Variants in JMJD1C observed in about 807,000 individuals in gnomAD.
JMJD1C encodes jumonji domain containing 1C.
JMJD1C carries 31 observed loss-of-function variants against 245.3 expected under a neutral mutation model. The observed-to-expected ratio is 0.13, with a 90% CI of 0.09 to 0.17. The LOEUF is 0.17. Ranked by LOEUF, JMJD1C falls within the 10% of genes least tolerant of loss-of-function variation. The pLI is 1.00. For synonymous variants in JMJD1C, 1,057 were observed against 1,017.4 expected (o/e 1.04, Z -0.74); for missense variants, 2,691 against 3,000.2 (o/e 0.90, Z 2.41).
intron 1 of JMJD1C, among the ~76,000 whole-genome samples, chr10:63,484,437 T>A (rs1029615821): frequency 6.6e-6 from 1 of 152,198 alleles, no homozygotes; most frequent in African/African-American, 2.4e-5. Flanking sequence ...TGTATGTAAC[T>A]TTTCCAAATA....
In JMJD1C at chr10:63,207,084, T is replaced by C; in HGVS notation, c.4585A>G (p.Lys1529Glu). 1 of 1,614,206 alleles carries C rather than the reference T, an allele frequency of 6.2e-7. No homozygotes were observed. The highest frequency in any genetic ancestry group is 8.5e-7 in the Non-Finnish European group (1 of 1,180,026). The part of the protein sequence containing the change: ...DSTVICSTIN[K>E]ANSVGNGQAS... ...TGCCCATTTCCTACAGAGTTTGCTT[T>C]GTTAATTGTACTACAGATTACAGTG... is the stretch of plus-strand genomic sequence containing the variant. Residue 1529 changes from lysine (K) to glutamate (E), a missense_variant, in exon 10 of 26, where the codon AAA becomes GAA. Lys to Glu is a moderately conservative substitution (Grantham distance 56). This residue lies in a region of JMJD1C where 1,562 missense variants were observed against 1,490.7 expected (regional missense o/e 1.05). Transcript: ENST00000399262.
At chr10:63,424,159 G>T (rs1354985878) in intron 1 of JMJD1C, among the ~76,000 whole-genome samples, 1 of 151,886 alleles carries the variant, frequency 6.6e-6, no homozygotes, top group Non-Finnish European at 1.5e-5. Context: ...GTGACTGAAG[G>T]TGTAAACCTC....
intron 3 of JMJD1C, among the ~76,000 whole-genome samples, chr10:63,233,761 A>G (rs1352361294): frequency 2.6e-4 from 4 of 15,256 alleles, no homozygotes; most frequent in Non-Finnish European, 9.1e-4. Flanking sequence ...GCGCGTGCAC[A>G]CACACACACA....
chr10:63,504,573 T>C (rs1036457594), intron 1 of JMJD1C, among the ~76,000 whole-genome samples: 1 of 151,982 alleles, frequency 6.6e-6, no homozygotes, highest in Admixed American at 6.6e-5. Flanking sequence ...ATAATGATAA[T>C]AAGATGAATT....
chr10:63,337,553 G>GAA (rs1192944491), intron 2 of JMJD1C, among the ~76,000 whole-genome samples: 1 of 16,724 alleles, frequency 6.0e-5, no homozygotes, highest in African/African-American at 2.8e-4. Flanking sequence ...GAGAGGACAA[G>GAA]AAAAGAAAAG....
At chr10:63,410,820 T>G (rs180991802) in intron 1 of JMJD1C, among the ~76,000 whole-genome samples, 2 of 152,188 alleles carry the variant, frequency 1.3e-5, no homozygotes, top group African/African-American at 4.8e-5. Flanking sequence ...TGGAGAAAAG[T>G]AGATAAGAGC....
chr10:63,405,911 A>G (rs1949140487), intron 1 of JMJD1C, among the ~76,000 whole-genome samples: 13 of 152,306 alleles, frequency 8.5e-5, no homozygotes, highest in Middle Eastern at 3.4e-3. Flanking sequence ...GGACATATAT[A>G]TAACAGGAGA....
At chr10:63,299,333 C>T (rs1221656553) in intron 2 of JMJD1C, among the ~76,000 whole-genome samples, 1 of 151,070 alleles carries the variant, frequency 6.6e-6, no homozygotes, top group Non-Finnish European at 1.5e-5. Context: ...CAGGCCTATG[C>T]CACCACACCC....
chr10:63,391,809 G>T (rs1191878448), intron 1 of JMJD1C, among the ~76,000 whole-genome samples: 1 of 151,964 alleles, frequency 6.6e-6, no homozygotes, highest in Non-Finnish European at 1.5e-5. Context: ...AAATTCCTAT[G>T]GAAGTAAAAA....
chr10:63,190,417 T>G (rs1215119838), intron 17 of JMJD1C, among the ~76,000 whole-genome samples: 1 of 152,196 alleles, frequency 6.6e-6, no homozygotes, highest in Non-Finnish European at 1.5e-5. Flanking sequence ...TTGGCCAGGC[T>G]GGTCTTGAAC....
intron 1 of JMJD1C, among the ~76,000 whole-genome samples, chr10:63,496,369 A>T (rs1954367680): frequency 6.6e-6 from 1 of 152,192 alleles, no homozygotes; most frequent in Non-Finnish European, 1.5e-5. Context: ...AAAGAGAAAA[A>T]AAAATAAGAT....
chr10:63,504,347 T>G (rs960339601), intron 1 of JMJD1C, among the ~76,000 whole-genome samples: 3 of 152,116 alleles, frequency 2.0e-5, no homozygotes, highest in African/African-American at 7.2e-5. Context: ...TGCAACAGGA[T>G]GACCCAGGAG....
At chr10:63,479,817 C>T (rs1953774083) in intron 1 of JMJD1C, among the ~76,000 whole-genome samples, 4 of 152,148 alleles carry the variant, frequency 2.6e-5, no homozygotes, top group Admixed American at 2.6e-4. Context: ...TGTTGTCCCA[C>T]TGAGAGTGAC....
At chr10:63,382,283 T>G (rs368928046) in intron 1 of JMJD1C, among the ~76,000 whole-genome samples, 61 of 152,298 alleles carry the variant, frequency 4.0e-4, no homozygotes, top group African/African-American at 1.3e-3. Flanking sequence ...CATAATTGTT[T>G]CCTTCTGTCT....
intron 1 of JMJD1C, among the ~76,000 whole-genome samples, chr10:63,464,974 T>G (rs61853612): frequency 6.6e-6 from 1 of 152,130 alleles, no homozygotes; most frequent in Non-Finnish European, 1.5e-5. Flanking sequence ...CTAAAACACA[T>G]AGGAATCCCC....
intron 2 of JMJD1C, among the ~76,000 whole-genome samples, chr10:63,276,884 C>CTGTTTTTTT (rs1856826327): frequency 1.0e-5 from 1 of 96,254 alleles, no homozygotes; most frequent in African/African-American, 4.3e-5. Flanking sequence ...AAGCTTGGGG[C>CTGTTTTTTT]TTTTTTTTTT....
intron 2 of JMJD1C, among the ~76,000 whole-genome samples, chr10:63,369,307 A>G (rs774614915): frequency 6.6e-6 from 1 of 151,728 alleles, no homozygotes; most frequent in Non-Finnish European, 1.5e-5. Context: ...ACACCTGGCT[A>G]ATTTTTGTAT....
chr10:63,277,598 T>G (rs1856926087), intron 2 of JMJD1C, among the ~76,000 whole-genome samples: 1 of 152,130 alleles, frequency 6.6e-6, no homozygotes, highest in Non-Finnish European at 1.5e-5. Flanking sequence ...GGATGGTATA[T>G]TCTGGTCTCT....
intron 1 of JMJD1C, among the ~76,000 whole-genome samples, chr10:63,512,947 A>ATAC: frequency 6.6e-6 from 1 of 152,160 alleles, no homozygotes; most frequent in South Asian, 2.1e-4. Context: ...AAGCTCAGAG[A>ATAC]TTTTTAAAAG....
Sources: allele counts gnomAD v4.1 joint callset (sites outside exome capture counted in the v4.1 genomes callset), GRCh38; gene constraint gnomAD v4.1.1; regional missense constraint gnomAD v4.1.1; transcripts MANE v1.5; gene names NCBI Gene and HGNC (gene_info 2026-07-23, HGNC 2026-07-21).